The following PCDH19 variants were observed in gnomAD, a reference collection of about 807,000 sequenced individuals.
PCDH19 encodes the protein protocadherin-19.
A neutral mutation model predicts 46.2 loss-of-function variants in PCDH19; 6 were observed. The observed-to-expected ratio is 0.13, with a 90% confidence interval of 0.07 to 0.26. The LOEUF is 0.26. Ranked by LOEUF, PCDH19 falls within the 10% of genes least tolerant of loss-of-function variation. The probability of loss-of-function intolerance (pLI) is 1.00; values close to 1 mark genes in which losing one functional copy is unlikely to be tolerated. For synonymous variants in PCDH19, 481 were observed against 415.7 expected, an observed-to-expected ratio of 1.16 and a Z score of -1.91; for missense variants, 740 against 972.3, an observed-to-expected ratio of 0.76 and a Z score of 3.18.
intron 3 of PCDH19, among the ~76,000 whole-genome samples, chrX:100,391,746 T>G (rs1403478999): frequency 5.3e-5 from 6 of 112,517 alleles, no homozygotes; most frequent in Admixed American, 9.4e-5. Context: ...TCTTGGATTC[T>G]GATTTCCCTA....
chrX:100,370,035 TC>T (rs1927173727), intron 3 of PCDH19, among the ~76,000 whole-genome samples: 1 of 110,981 alleles, frequency 9.0e-6, no homozygotes, highest in Non-Finnish European at 1.9e-5. Context: ...GGTTGGAACT[TC>T]CAAAACGACC....
intron 5 of PCDH19, among the ~76,000 whole-genome samples, chrX:100,341,580 G>C (rs1019419919): frequency 6.3e-5 from 7 of 111,968 alleles, no homozygotes; most frequent in African/African-American, 2.3e-4. Flanking sequence ...AGCAAAAATA[G>C]GCATTTATTC....
At chrX:100,363,847 A>G (rs370658596) in intron 3 of PCDH19, among the ~76,000 whole-genome samples, 3 of 12,274 alleles carry the variant, frequency 2.4e-4, no homozygotes. Flanking sequence ...TTTAGGTAGA[A>G]TGTGCGTGCG....
At chrX:100,382,183 T>A (rs921146518) in intron 3 of PCDH19, among the ~76,000 whole-genome samples, 1 of 110,912 alleles carries the variant, frequency 9.0e-6, no homozygotes, top group Non-Finnish European at 1.9e-5. Flanking sequence ...CATTTCACAT[T>A]CAGGTTAAAT....
chrX:100,358,058 C>T (rs931165591), intron 3 of PCDH19, among the ~76,000 whole-genome samples: 1 of 112,104 alleles, frequency 8.9e-6, no homozygotes, highest in Non-Finnish European at 1.9e-5. Flanking sequence ...CTCCCAACTA[C>T]TACCTTATAA....
chrX:100,299,940 T>G (rs1924726109), intron 5 of PCDH19, among the ~76,000 whole-genome samples: 1 of 112,647 alleles, frequency 8.9e-6, no homozygotes, highest in South Asian at 3.6e-4. Context: ...ATATTTTTTT[T>G]AAGTCCTTAC....
At chrX:100,316,552 T>C (rs1925313650) in intron 5 of PCDH19, among the ~76,000 whole-genome samples, 1 of 112,122 alleles carries the variant, frequency 8.9e-6, no homozygotes, top group South Asian at 3.7e-4. Context: ...CGTATGCCCA[T>C]GTTCCTCTTT....
chrX:100,389,879 G>GC (rs1403371992), intron 3 of PCDH19, among the ~76,000 whole-genome samples: 1 of 111,224 alleles, frequency 9.0e-6, no homozygotes, highest in Non-Finnish European at 1.9e-5. Context: ...TTATGCTCTT[G>GC]AAGTCCTCTT....
At chrX:100,364,319 A>G (rs1363253962) in intron 3 of PCDH19, among the ~76,000 whole-genome samples, 1 of 111,928 alleles carries the variant, frequency 8.9e-6, no homozygotes, top group Non-Finnish European at 1.9e-5. Context: ...GGTGCTGTCC[A>G]ATAGCATAGA....
chrX:100,304,261 C>G (rs1210226641), intron 5 of PCDH19, among the ~76,000 whole-genome samples: 1 of 111,513 alleles, frequency 9.0e-6, no homozygotes, highest in Non-Finnish European at 1.9e-5. Flanking sequence ...TGCAGACACT[C>G]CCCAGTACCA....
At chrX:100,355,101 G>A (rs1342130854) in intron 3 of PCDH19, among the ~76,000 whole-genome samples, 2 of 111,146 alleles carry the variant, frequency 1.8e-5, no homozygotes, top group African/African-American at 3.3e-5. Flanking sequence ...ACATGACCTA[G>A]GTTTAATAAA....
intron 3 of PCDH19, among the ~76,000 whole-genome samples, chrX:100,379,845 G>T (rs1404185507): frequency 1.8e-5 from 2 of 111,483 alleles, no homozygotes; most frequent in Admixed American, 9.5e-5. Flanking sequence ...AGCCTTGCAT[G>T]CCCTAAAACA....
Position 100,407,827 on chromosome X carries a change from G to A in PCDH19, c.771C>T (p.Val257=). The part of the protein sequence containing the change: ...VPENSPPNTP[V]IRLNASDPDE... ...CTGGATCGCTGGCGTTGAGGCGGATGACGGGTGTGTTGGGAGGCGAGTTTT... is the reference window on the plus strand; with the variant it reads ...CTGGATCGCTGGCGTTGAGGCGGATAACGGGTGTGTTGGGAGGCGAGTTTT... The change falls in exon 1 of 6, where the codon GTC becomes GTT. Residue 257 remains valine (V), a synonymous_variant. Transcript: ENST00000373034. 1 of 1,212,395 alleles carries A rather than the reference G, an allele frequency of 8.2e-7. No individual in the cohort carries two copies. Among genetic ancestry groups the A allele is most frequent in the South Asian group, 1.8e-5 (1 of 57,033 alleles).
At chrX:100,384,569 C>T (rs762263437) in intron 3 of PCDH19, among the ~76,000 whole-genome samples, 13 of 110,436 alleles carry the variant, frequency 1.2e-4, no homozygotes, top group South Asian at 1.1e-3. Flanking sequence ...GTGTGCCCTA[C>T]GCTTTTTTTT....
chrX:100,308,723 T>C (rs773616725), intron 5 of PCDH19, among the ~76,000 whole-genome samples: 2 of 111,289 alleles, frequency 1.8e-5, no homozygotes, highest in East Asian at 5.7e-4. Flanking sequence ...GCTAAGGACA[T>C]GAATAGACAA....
rs1344305851 is a variant in PCDH19, at chrX:100,407,117, G to C, written c.1481C>G (p.Pro494Arg). 4.1e-6 allele frequency: 5 copies of C among 1,211,938 alleles called. No homozygotes were observed. The highest frequency in any genetic ancestry group is 4.5e-6 in the Non-Finnish European group (4 of 895,528). ...GACAGGCATGTCCCGCACCTGCGAC[G>C]GCACGATCTGGTAGGAGACACTGCC... ...LNGSVSYQIV[P>R]SQVRDMPVFT... is the part of the protein sequence containing the mutation. Residue 494 changes from proline to arginine, a missense_variant, in exon 1 of 6, where the codon CCG (proline) becomes CGG (arginine). Physicochemically the swap from Pro to Arg is moderately radical, Grantham distance 103. This residue lies in a region of PCDH19 where 186 missense variants were observed against 319.9 expected (regional missense o/e 0.58). Transcript: ENST00000373034.
chrX:100,327,662 G>A (rs771417410), intron 5 of PCDH19, among the ~76,000 whole-genome samples: 147 of 111,566 alleles, frequency 1.3e-3, no homozygotes, highest in African/African-American at 4.6e-3. Flanking sequence ...TGCCAATCTC[G>A]GTTTCAACCA....
rs761787956 is a variant in PCDH19, at chrX:100,386,905, A to T, written c.2616+15619T>A. On this transcript the variant is annotated intron_variant, in intron 3 of 5. Transcript: ENST00000373034. The stretch of plus-strand genomic sequence containing the variant: ...ATATAAGAAATATATAGTCCTGCTG[A>T]AAGTCATAGTCTCCATTTATCCAAG... Among the ~76,000 whole-genome samples, 21 of 112,300 alleles carry T rather than the reference A, an allele frequency of 1.9e-4. No homozygotes were observed. The South Asian group carries it at 7.7e-3, about 41-fold the overall frequency.
intron 3 of PCDH19, among the ~76,000 whole-genome samples, chrX:100,359,657 G>A (rs772715954): frequency 6.5e-4 from 73 of 112,065 alleles, no homozygotes; most frequent in Non-Finnish European, 1.1e-3. Context: ...GAAGACTGAG[G>A]TGGGAGGATC....
Sources: gnomAD v4.1 joint callset for allele counts (sites outside exome capture counted in the v4.1 genomes callset) on GRCh38, gnomAD v4.1.1 for gene constraint, gnomAD v4.1.1 regional missense constraint, MANE v1.5 for transcripts, NCBI Gene and HGNC (gene_info 2026-07-23, HGNC 2026-07-21) for gene names.